Variants in ZNF782 observed in about 807,000 individuals in gnomAD.
The protein encoded by ZNF782 is zinc finger protein 782.
Under a neutral mutation model 13.0 loss-of-function variants are expected in ZNF782, and 12 were observed. The ratio of observed to expected loss-of-function variants is 0.92; its 90% CI spans 0.59 to 1.50. ZNF782 has a LOEUF of 1.50. Ranked by LOEUF, ZNF782 falls within the 40% of genes most tolerant of loss-of-function variation. The pLI is 0.00. For missense variants in ZNF782, 770 were observed against 822.9 expected (o/e 0.94, Z 0.79); for synonymous variants, 284 against 283.0 (o/e 1.00, Z -0.04).
upstream of ZNF782, among the ~76,000 whole-genome samples, chr9:96,856,390 G>A (rs145718626): frequency 6.6e-6 from 1 of 152,314 alleles, no homozygotes; most frequent in East Asian, 1.9e-4. Context: ...CCAGATCTAA[G>A]CTACCAACCT....
the ZNF782 span, among the ~76,000 whole-genome samples, chr9:96,913,574 A>C: frequency 6.7e-6 from 1 of 149,790 alleles, no homozygotes; most frequent in Non-Finnish European, 1.5e-5. Context: ...CCCAAGCTGG[A>C]GTGCAGTGGC....
chr9:96,838,879 C>A lies in ZNF782; in HGVS notation c.142+6011G>T, dbSNP rs536822884. 2.0e-5 allele frequency among the ~76,000 whole-genome samples: 3 copies of A among 152,074 alleles called. No homozygotes were observed. The South Asian group carries it at 6.2e-4, about 32-fold the overall frequency. ...TACAGGCACCCACCACCACGCCTGGCTAATTTTTGTATTTTTAGTAGAGAT... is the reference window on the plus strand; with the variant it reads ...TACAGGCACCCACCACCACGCCTGGATAATTTTTGTATTTTTAGTAGAGAT... On this transcript the variant is annotated intron_variant, in intron 4 of 5. Coordinates refer to ENST00000481138, the MANE Select transcript of ZNF782 (RefSeq NM_001001662.3).
intron 3 of ZNF782, among the ~76,000 whole-genome samples, chr9:96,847,086 G>C (rs1295800852): frequency 6.6e-6 from 1 of 152,144 alleles, no homozygotes; most frequent in Non-Finnish European, 1.5e-5. Context: ...GCTCCTGAAT[G>C]ATTTCTGGGT....
rs768685631 is a variant in ZNF782 at position 96,851,964 on chromosome 9, T to C, written c.-3A>G. On this transcript the variant is annotated 5_prime_UTR_variant, in exon 3 of 6. Transcript: ENST00000481138. ...AAGCTTACCTGAAATGTGTTCATTT[T>C]CTGTGGCTCTTGGGAGAGTATAGAG... The C allele has an allele frequency of 6.8e-6, 11 of 1,613,998 alleles. No homozygotes were observed. The East Asian group carries it at 2.2e-4, about 33-fold the overall frequency.
At chr9:96,884,508 T>C in the ZNF782 span, among the ~76,000 whole-genome samples, 1 of 152,150 alleles carries the variant, frequency 6.6e-6, no homozygotes, top group Non-Finnish European at 1.5e-5. Flanking sequence ...CTCCTACTCA[T>C]AGCAACAAGG....
At chr9:96,840,132 A>C (rs1280694295) in intron 4 of ZNF782, among the ~76,000 whole-genome samples, 1 of 152,160 alleles carries the variant, frequency 6.6e-6, no homozygotes, top group African/African-American at 2.4e-5. Flanking sequence ...TAAAGCCCTC[A>C]ATGACTACTT....
chr9:96,920,407 C>T, the ZNF782 span, among the ~76,000 whole-genome samples: 2 of 149,738 alleles, frequency 1.3e-5, no homozygotes, highest in Non-Finnish European at 3.0e-5. Context: ...GCTGGGACTA[C>T]AGGCGCCCAC....
rs1241533937 is a variant in ZNF782, at chr9:96,819,294, G to C, written c.729C>G (p.Tyr243Ter). 6.2e-7 allele frequency: 1 copy of C among 1,612,796 alleles called. No homozygotes were observed. The highest frequency in any genetic ancestry group is 2.2e-5 in the East Asian group (1 of 44,870). The stretch of plus-strand genomic sequence containing the variant: ...TGTTTTCCCCAAATTTATTGAAATT[G>C]TAAGATTTTCCTTTTGGGTGGGTAC... ...SNSTHPKGKS[Y>*]NFNKFGENKY... The change falls in exon 6 of 6, where the codon TAC becomes TAG. Residue 243 changes from tyrosine (Y) to a stop codon, truncating the protein, a stop_gained. Coordinates refer to ENST00000481138, the MANE Select transcript of ZNF782 (RefSeq NM_001001662.3). LOFTEE classifies it low-confidence loss of function (END_TRUNC).
At chr9:96,929,792 C>A in the ZNF782 span, among the ~76,000 whole-genome samples, 1 of 152,066 alleles carries the variant, frequency 6.6e-6, no homozygotes, top group Non-Finnish European at 1.5e-5. Flanking sequence ...TAGCTCGTGG[C>A]CCGTCCTCTG....
rs1052065560 is a variant in ZNF782, at chr9:96,816,703, T to G, written c.*1220A>C. On this transcript the variant is annotated 3_prime_UTR_variant, in exon 6 of 6. Coordinates refer to ENST00000481138, the MANE Select transcript of ZNF782 (RefSeq NM_001001662.3). The stretch of plus-strand genomic sequence containing the variant: ...AAACTTTTACACATTCAAAACTAAA[T>G]TATCATATATTTAATGAGACTTTGG... 1 of 152,164 alleles carries G rather than the reference T, an allele frequency of 6.6e-6. No individual in the cohort carries two copies. The highest frequency in any genetic ancestry group is 1.5e-5 in the Non-Finnish European group (1 of 68,012). 9.4% of individuals were successfully genotyped at this position (152,164 alleles called of 1,614,324 possible). A position where few individuals can be genotyped will look rare whatever the true frequency, so the allele number is the denominator to read the frequency against.
intron 5 of ZNF782, among the ~76,000 whole-genome samples, chr9:96,820,169 A>C (rs1382090506): frequency 6.6e-6 from 1 of 152,204 alleles, no homozygotes; most frequent in Non-Finnish European, 1.5e-5. Context: ...AACAACAACA[A>C]AAATCAATGG....
chr9:96,899,469 T>C, the ZNF782 span, among the ~76,000 whole-genome samples: 11 of 152,236 alleles, frequency 7.2e-5, no homozygotes, highest in Non-Finnish European at 1.5e-4. Context: ...GGAGCTCTCT[T>C]TAAAGATCTT....
At chr9:96,882,291 T>C in the ZNF782 span, among the ~76,000 whole-genome samples, 138 of 152,266 alleles carry the variant, frequency 9.1e-4, no homozygotes, top group Middle Eastern at 0.031. Context: ...CTTTAGTTAT[T>C]TGGAGGTCGA....
At chr9:96,918,746 T>C in the ZNF782 span, 130 of 160,732 alleles carry the variant, frequency 8.1e-4, 1 homozygote, top group African/African-American at 2.9e-3. Flanking sequence ...CCAGGACTTC[T>C]TTCAAACTTG....
intron 3 of ZNF782, among the ~76,000 whole-genome samples, chr9:96,847,350 CA>C (rs1333967961): frequency 4.0e-5 from 6 of 151,818 alleles, no homozygotes; most frequent in Middle Eastern, 3.4e-3. Flanking sequence ...GAAATTCAAA[CA>C]AAAAAACCCC....
At chr9:96,907,534 T>G in the ZNF782 span, among the ~76,000 whole-genome samples, 2 of 152,296 alleles carry the variant, frequency 1.3e-5, no homozygotes, top group African/African-American at 4.8e-5. Flanking sequence ...ATTGGCCATA[T>G]TTGTGAGGAT....
chr9:96,831,446 A>G (rs933349888), intron 4 of ZNF782, among the ~76,000 whole-genome samples: 21 of 152,170 alleles, frequency 1.4e-4, no homozygotes, highest in African/African-American at 4.8e-4. Context: ...GCCGTGGCTC[A>G]CACCTGTAAT....
intron 1 of ZNF782, among the ~76,000 whole-genome samples, chr9:96,868,245 C>T (rs1350163462): frequency 6.6e-6 from 1 of 152,202 alleles, no homozygotes; most frequent in East Asian, 1.9e-4. Flanking sequence ...GGAGTTTTCA[C>T]ATAAATTTTG....
intron 3 of ZNF782, among the ~76,000 whole-genome samples, chr9:96,849,075 G>T (rs1028740833): frequency 6.6e-6 from 1 of 152,136 alleles, no homozygotes; most frequent in Non-Finnish European, 1.5e-5. Flanking sequence ...ACACAAACGG[G>T]GGAATGGACA....
Sources: allele counts gnomAD v4.1 joint callset (sites outside exome capture counted in the v4.1 genomes callset), GRCh38; gene constraint gnomAD v4.1.1; transcripts MANE v1.5; gene names NCBI Gene and HGNC (gene_info 2026-07-23, HGNC 2026-07-21).